SOX5: variants seen among roughly 807,000 people sequenced by gnomAD.
SOX5 encodes the protein SRY-box transcription factor 5, also known as transcription factor SOX-5.
SOX5 carries 9 observed loss-of-function variants against 92.0 expected under a neutral mutation model. That is an observed-to-expected ratio of 0.10 (90% CI 0.06 to 0.17). The LOEUF is 0.17. Ranked by LOEUF, SOX5 falls within the 10% of genes least tolerant of loss-of-function variation. The pLI is 1.00. For synonymous variants in SOX5, 344 were observed against 336.3 expected, an observed-to-expected ratio of 1.02 and a Z score of -0.25; for missense variants, 642 against 944.5, an observed-to-expected ratio of 0.68 and a Z score of 4.20.
rs1277408114 is a variant in SOX5 at position 24,191,634 on chromosome 12, T to A, written c.-2+21709A>T. 2.0e-5 allele frequency among the ~76,000 whole-genome samples: 3 copies of A among 152,204 alleles called. No homozygotes were observed. The East Asian group carries it at 5.8e-4, about 29-fold the overall frequency. ...CATGTTGCTATAATCTGCTCCAATG[T>A]CCTACTCCTTGTTGGTGATTTTCTC... On this transcript the variant is annotated intron_variant, in intron 4 of 4. Transcript: ENST00000446891.
At chr12:23,600,897 T>C (rs911618431) in intron 9 of SOX5, among the ~76,000 whole-genome samples, 1 of 151,962 alleles carries the variant, frequency 6.6e-6, no homozygotes, top group Admixed American at 6.6e-5. Flanking sequence ...GCAGGTCAGG[T>C]GACCTTTCTC....
chr12:24,114,018 C>A (rs1290858553), intron 4 of SOX5, among the ~76,000 whole-genome samples: 2 of 152,104 alleles, frequency 1.3e-5, no homozygotes, highest in Non-Finnish European at 2.9e-5. Flanking sequence ...AATAAAAGAC[C>A]TCTCTATTTT....
At chr12:23,585,952 G>T (rs1950665749) in intron 9 of SOX5, among the ~76,000 whole-genome samples, 1 of 151,992 alleles carries the variant, frequency 6.6e-6, no homozygotes, top group African/African-American at 2.4e-5. Flanking sequence ...CTGACACCTG[G>T]TCAATCCAAT....
chr12:24,206,338 C>T (rs572036615), intron 4 of SOX5, among the ~76,000 whole-genome samples: 1 of 152,304 alleles, frequency 6.6e-6, no homozygotes, highest in African/African-American at 2.4e-5. Context: ...TGCCTTCAGA[C>T]TGCTAATGGC....
rs138134078 is a variant in SOX5 at position 23,992,032 on chromosome 12, G to A, written c.-1-96008C>T. Among the ~76,000 whole-genome samples the A allele has an allele frequency of 3.4e-3, 511 of 152,046 alleles. 2 individuals are homozygous for A. Among genetic ancestry groups the A allele is most frequent in the African/African-American group, 0.011 (442 of 41,518 alleles). On this transcript the variant is annotated intron_variant, in intron 4 of 4. Transcript: ENST00000446891. ...CCTCATACATCTTTCATCATCATCA[G>A]TAGCAAAAACAAAAATAAGAAATTG...
At chr12:23,893,786 G>A (rs924167837) in intron 2 of SOX5, among the ~76,000 whole-genome samples, 14 of 152,196 alleles carry the variant, frequency 9.2e-5, no homozygotes, top group Non-Finnish European at 1.8e-4. Flanking sequence ...CTACTGACCT[G>A]TGTACTACCC....
At position 24,376,690 on chromosome 12, in the gene SOX5, CTTTTTTTTTTTTTT is replaced by C. The variant is rs1164391418; in HGVS notation, c.-250-8065_-250-8052del. ...CAGAATGATGCTATGGGAGAGATAC[CTTTTTTTTTTTTTT>C]TTTTTTTTTTTTTTTTTTTTTTTTT... On this transcript the variant is annotated intron_variant, in intron 1 of 4. Coordinates refer to the SOX5 transcript ENST00000446891. Among the ~76,000 whole-genome samples the C allele has an allele frequency of 8.1e-4, 57 of 70,606 alleles. 1 individual carries two copies. The East Asian group carries it at 0.024, about 30-fold the overall frequency. 46.3% of individuals were successfully genotyped at this position (70,606 alleles called of 152,430 possible).
At chr12:23,887,541 A>C (rs1481477791) in intron 2 of SOX5, among the ~76,000 whole-genome samples, 2 of 152,226 alleles carry the variant, frequency 1.3e-5, no homozygotes, top group Non-Finnish European at 2.9e-5. Context: ...ACAAAAATCA[A>C]GAATTCACGT....
At chr12:24,363,872 T>C (rs1792119317) in intron 2 of SOX5, among the ~76,000 whole-genome samples, 1 of 152,200 alleles carries the variant, frequency 6.6e-6, no homozygotes, top group Non-Finnish European at 1.5e-5. Context: ...GGTGGGAATG[T>C]GGCAAGAGCC....
intron 6 of SOX5, among the ~76,000 whole-genome samples, chr12:23,684,289 G>T (rs1376260287): frequency 6.6e-6 from 1 of 151,910 alleles, no homozygotes; most frequent in African/African-American, 2.4e-5. Context: ...CAATTATTGT[G>T]CTGGGAACAG....
chr12:23,749,617 T>C (rs2094120614), intron 4 of SOX5, among the ~76,000 whole-genome samples: 2 of 151,992 alleles, frequency 1.3e-5, no homozygotes, highest in Non-Finnish European at 2.9e-5. Context: ...ATTTCTATAG[T>C]GAGTGAAAGG....
At chr12:23,914,830 C>G (rs958195925) in intron 1 of SOX5, among the ~76,000 whole-genome samples, 1 of 152,062 alleles carries the variant, frequency 6.6e-6, no homozygotes, top group Non-Finnish European at 1.5e-5. Flanking sequence ...TCTGGTCTTT[C>G]TTTCCATTAC....
At chr12:23,627,154 T>C (rs1265798130) in intron 8 of SOX5, among the ~76,000 whole-genome samples, 1 of 152,186 alleles carries the variant, frequency 6.6e-6, no homozygotes, top group Non-Finnish European at 1.5e-5. Context: ...GAGGAATGTT[T>C]GTTCCTTTCA....
At chr12:23,954,752 G>A (rs2081035177), upstream of SOX5, among the ~76,000 whole-genome samples, 1 of 151,906 alleles carries the variant, frequency 6.6e-6, no homozygotes, top group Admixed American at 6.6e-5. Flanking sequence ...TTGTCAGTTG[G>A]TTAGAATACA....
At chr12:24,364,544 A>ATG (rs56375692) in intron 2 of SOX5, among the ~76,000 whole-genome samples, 3 of 145,116 alleles carry the variant, frequency 2.1e-5, no homozygotes. Flanking sequence ...ATATATATAT[A>ATG]CACGAATAAA....
At chr12:24,110,887 C>T (rs903538750) in intron 4 of SOX5, among the ~76,000 whole-genome samples, 2 of 109,752 alleles carry the variant, frequency 1.8e-5, no homozygotes, top group East Asian at 5.5e-4. Context: ...GGCGACAGCG[C>T]GAGACTCCAC....
chr12:23,860,234 A>G (rs2096739755), intron 2 of SOX5, among the ~76,000 whole-genome samples: 1 of 152,084 alleles, frequency 6.6e-6, no homozygotes, highest in African/African-American at 2.4e-5. Context: ...AATATGTACA[A>G]CAAACCTCCA....
upstream of SOX5, among the ~76,000 whole-genome samples, chr12:23,951,408 C>T (rs927461524): frequency 6.6e-6 from 1 of 151,088 alleles, no homozygotes; most frequent in South Asian, 2.1e-4. Flanking sequence ...TTTAAAACCA[C>T]AAGGGTTGAC....
At chr12:24,101,347 A>G (rs773871402) in intron 4 of SOX5, among the ~76,000 whole-genome samples, 6 of 152,072 alleles carry the variant, frequency 3.9e-5, no homozygotes, top group South Asian at 2.1e-4. Flanking sequence ...CTTCCTCTAC[A>G]ATTCCTGTGA....
Sources: gnomAD v4.1 joint callset for allele counts (sites outside exome capture counted in the v4.1 genomes callset) on GRCh38, gnomAD v4.1.1 for gene constraint, MANE v1.5 for transcripts, NCBI Gene and HGNC (gene_info 2026-07-23, HGNC 2026-07-21) for gene names.